The following NALF1 variants were observed in gnomAD, a reference collection of about 807,000 sequenced individuals.
NALF1 encodes family with sequence similarity 155 member A.
NALF1 carries 3 observed loss-of-function variants against 48.4 expected under a neutral mutation model. The observed-to-expected ratio is 0.06, with a 90% CI of 0.03 to 0.16. The LOEUF (loss-of-function observed/expected upper bound fraction) is 0.16. Among genes scored for constraint, NALF1 ranks in the 10% least tolerant of loss-of-function variants. The probability of loss-of-function intolerance (pLI) is 1.00; values close to 1 mark genes in which losing one functional copy is unlikely to be tolerated. For missense variants in NALF1, 526 were observed against 571.5 expected, an observed-to-expected ratio of 0.92 and a Z score of 0.81; for synonymous variants, 262 against 245.7, an observed-to-expected ratio of 1.07 and a Z score of -0.62.
intron 1 of NALF1, among the ~76,000 whole-genome samples, chr13:107,658,867 A>G (rs1226870318): frequency 6.6e-6 from 1 of 152,044 alleles, no homozygotes; most frequent in Admixed American, 6.6e-5. Context: ...AAAGTTGATT[A>G]TGCCCTTCCC....
intron 1 of NALF1, among the ~76,000 whole-genome samples, chr13:107,501,037 G>T (rs949956316): frequency 6.6e-6 from 1 of 151,836 alleles, no homozygotes; most frequent in Non-Finnish European, 1.5e-5. Context: ...CACCAGCATG[G>T]CACATGTATA....
intron 1 of NALF1, among the ~76,000 whole-genome samples, chr13:107,827,449 G>A (rs529098166): frequency 1.3e-5 from 2 of 152,212 alleles, no homozygotes; most frequent in East Asian, 3.9e-4. Flanking sequence ...AGAGTCAGAC[G>A]GCTTGTTGCA....
At chr13:107,810,944 T>C (rs776124002) in intron 1 of NALF1, among the ~76,000 whole-genome samples, 1 of 152,180 alleles carries the variant, frequency 6.6e-6, no homozygotes, top group South Asian at 2.1e-4. Flanking sequence ...TCTCCACTTA[T>C]ATGTGCAAAC....
intron 1 of NALF1, among the ~76,000 whole-genome samples, chr13:107,503,117 T>G (rs1409444068): frequency 2.0e-5 from 3 of 152,184 alleles, no homozygotes; most frequent in Non-Finnish European, 4.4e-5. Context: ...TCTCCAGGCT[T>G]AGATTCATAG....
intron 1 of NALF1, among the ~76,000 whole-genome samples, chr13:107,579,156 A>G (rs1232936304): frequency 2.6e-5 from 4 of 152,134 alleles, no homozygotes; most frequent in Admixed American, 6.5e-5. Context: ...CAGTGGCACA[A>G]TCTCAGCTCA....
intron 1 of NALF1, among the ~76,000 whole-genome samples, chr13:107,520,721 T>G (rs749959421): frequency 6.6e-6 from 1 of 152,230 alleles, no homozygotes; most frequent in Non-Finnish European, 1.5e-5. Context: ...TGTGTACGAC[T>G]GCCTGCCCGT....
Position 107,211,985 on chromosome 13 carries a change from C to T in NALF1, c.916-1230G>A, listed in dbSNP as rs557702577. 6.3e-4 allele frequency among the ~76,000 whole-genome samples: 96 copies of T among 152,202 alleles called. No individual in the cohort carries two copies. The South Asian group carries it at 0.019, about 30-fold the overall frequency. On this transcript the variant is annotated intron_variant, in intron 1 of 2. Transcript: ENST00000375915. ...GGAAATGGAAAATCCAGACTTCAAA[C>T]CCATGTTCTGTAGGGCTCCAAAGAC...
rs142684207 is a variant in NALF1, at chr13:107,301,682, T to A, written c.916-90927A>T. ...TAGTTATTTCCTTTAATTTATTTTA[T>A]AACTTTTTTTCTATAGTTCCTTCTT... On this transcript the variant is annotated intron_variant, in intron 1 of 2. Coordinates refer to ENST00000375915, the MANE Select transcript of NALF1 (RefSeq NM_001080396.3). Among the ~76,000 whole-genome samples the A allele has an allele frequency of 2.4e-3, 370 of 152,342 alleles. 1 individual carries two copies. The highest frequency in any genetic ancestry group is 8.4e-3 in the African/African-American group (349 of 41,594).
intron 1 of NALF1, among the ~76,000 whole-genome samples, chr13:107,650,424 C>T (rs1461658523): frequency 4.6e-5 from 5 of 108,450 alleles, no homozygotes; most frequent in Admixed American, 1.1e-4. Context: ...AAATTAACAG[C>T]ATTTGCAGTG....
chr13:107,513,993 G>C (rs897716555), intron 1 of NALF1, among the ~76,000 whole-genome samples: 2 of 152,144 alleles, frequency 1.3e-5, no homozygotes, highest in Admixed American at 1.3e-4. Flanking sequence ...AATGTACATG[G>C]ACAAGCTTTG....
chr13:107,229,156 T>C (rs535871788), intron 1 of NALF1, among the ~76,000 whole-genome samples: 31 of 152,214 alleles, frequency 2.0e-4, no homozygotes, highest in African/African-American at 7.5e-4. Flanking sequence ...ATAAACCACA[T>C]TTTAGACACA....
intron 1 of NALF1, among the ~76,000 whole-genome samples, chr13:107,568,208 T>C (rs570694285): frequency 2.0e-5 from 3 of 152,320 alleles, no homozygotes; most frequent in South Asian, 4.1e-4. Flanking sequence ...CTCTAGCTCC[T>C]GGGCTCAAGG....
chr13:107,573,203 T>C (rs1355041864), intron 1 of NALF1, among the ~76,000 whole-genome samples: 1 of 152,198 alleles, frequency 6.6e-6, no homozygotes, highest in East Asian at 1.9e-4. Flanking sequence ...TAGAACAGAA[T>C]TGCTTCCAAT....
Position 107,169,684 on chromosome 13 carries a change from ACTGT to A in NALF1, c.*809_*812del, listed in dbSNP as rs1379913373. The A allele has an allele frequency of 2.0e-5, 3 of 152,680 alleles. No homozygotes were observed. Among genetic ancestry groups the A allele is most frequent in the Non-Finnish European group, 2.9e-5 (2 of 68,030 alleles). The allele number at this position is 152,680 out of a possible 1,614,324, so 9.5% of individuals were successfully genotyped here. On this transcript the variant is annotated 3_prime_UTR_variant, in exon 3 of 3. Coordinates refer to ENST00000375915, the MANE Select transcript of NALF1 (RefSeq NM_001080396.3). ...TTGTTTTCAACATAAAAATGTGTTAACTGTCTGATTCCACCTATTATGGAGAGCA... is the reference window on the plus strand; with the variant it reads ...TTGTTTTCAACATAAAAATGTGTTAACTGATTCCACCTATTATGGAGAGCA...
At chr13:107,433,298 A>G (rs1566340369) in intron 1 of NALF1, among the ~76,000 whole-genome samples, 1 of 152,192 alleles carries the variant, frequency 6.6e-6, no homozygotes, top group African/African-American at 2.4e-5. Flanking sequence ...CCATACATCA[A>G]TGACTAATAA....
At chr13:107,665,455 C>T (rs544196880) in intron 1 of NALF1, among the ~76,000 whole-genome samples, 1 of 152,144 alleles carries the variant, frequency 6.6e-6, no homozygotes, top group Non-Finnish European at 1.5e-5. Context: ...TGTACCTAAC[C>T]AGTTTCCATA....
rs1462931688 is a variant in NALF1 at position 107,800,696 on chromosome 13, T to C, written c.915+64986A>G. On this transcript the variant is annotated intron_variant, in intron 1 of 2. Coordinates refer to ENST00000375915, the MANE Select transcript of NALF1 (RefSeq NM_001080396.3). ...TGTATTTTATTGGTAATAAAATATATTATGTATCATATAATACATATAAGA... is the reference window on the plus strand; with the variant it reads ...TGTATTTTATTGGTAATAAAATATACTATGTATCATATAATACATATAAGA... Among the ~76,000 whole-genome samples the C allele has an allele frequency of 5.4e-5, 8 of 147,578 alleles. No individual in the cohort carries two copies. In the Admixed American group the frequency reaches 5.5e-4, roughly 10 times the overall value.
chr13:107,164,547 CATT>C lies in NALF1; in HGVS notation c.*5947_*5949del, dbSNP rs1878620802. 2 of 152,130 alleles carry C rather than the reference CATT, an allele frequency of 1.3e-5. No homozygotes were observed. The highest frequency in any genetic ancestry group is 2.4e-5 in the African/African-American group (1 of 41,514). The allele number at this position is 152,130 out of a possible 1,614,324, so 9.4% of individuals were successfully genotyped here. A position where few individuals can be genotyped will look rare whatever the true frequency, so the allele number is the denominator to read the frequency against. On this transcript the variant is annotated 3_prime_UTR_variant, in exon 3 of 3. Transcript: ENST00000375915. ...TTAAACAACCACTTTGAAGTTGCAT[CATT>C]ATTTCTACTACCACTGTTGATCAAT... is the stretch of plus-strand genomic sequence containing the variant.
chr13:107,209,668 T>C (rs1039789472), intron 2 of NALF1, among the ~76,000 whole-genome samples: 3 of 152,236 alleles, frequency 2.0e-5, no homozygotes, highest in Admixed American at 1.3e-4. Context: ...TATGCTACTC[T>C]GTTTTAGAGG....
Sources: allele counts gnomAD v4.1 joint callset (sites outside exome capture counted in the v4.1 genomes callset), GRCh38; gene constraint gnomAD v4.1.1; transcripts MANE v1.5; gene names NCBI Gene and HGNC (gene_info 2026-07-23, HGNC 2026-07-21).